Variants in MCTP2 observed in about 807,000 individuals in gnomAD.
MCTP2 encodes multiple C2 and transmembrane domain-containing protein 2.
Under a neutral mutation model 111.6 loss-of-function variants are expected in MCTP2, and 132 were observed. That is an observed-to-expected ratio of 1.18 (90% CI 1.03 to 1.37). MCTP2 has a LOEUF of 1.37. Ranked by LOEUF, MCTP2 falls within the 40% of genes most tolerant of loss-of-function variation. The pLI, the probability that MCTP2 is intolerant of heterozygous loss-of-function variation, is 0.00. For synonymous variants in MCTP2, 395 were observed against 387.7 expected (o/e 1.02, Z -0.22); for missense variants, 1,183 against 1,067.9 (o/e 1.11, Z -1.50).
intron 4 of MCTP2, among the ~76,000 whole-genome samples, chr15:94,326,023 G>A (rs1355194964): frequency 6.6e-6 from 1 of 151,892 alleles, no homozygotes; most frequent in African/African-American, 2.4e-5. Flanking sequence ...GTTTCACCAT[G>A]TTGGCCAGGA....
At chr15:94,466,032 T>A (rs927484726) in intron 20 of MCTP2, among the ~76,000 whole-genome samples, 7 of 152,202 alleles carry the variant, frequency 4.6e-5, no homozygotes, top group Non-Finnish European at 8.8e-5. Context: ...CAGTTTAAAA[T>A]CCTGTCCAAT....
At chr15:94,233,265 T>TTTA (rs2070314447) in intron 1 of MCTP2, among the ~76,000 whole-genome samples, 1 of 152,080 alleles carries the variant, frequency 6.6e-6, no homozygotes, top group African/African-American at 2.4e-5. Flanking sequence ...AAAGATAAAA[T>TTTA]TTATTATGTG....
At chr15:94,371,085 C>T (rs528390619) in intron 12 of MCTP2, among the ~76,000 whole-genome samples, 5 of 151,296 alleles carry the variant, frequency 3.3e-5, no homozygotes, top group Non-Finnish European at 5.9e-5. Flanking sequence ...TAGTTTTCAG[C>T]GCATTATATT....
chr15:94,302,222 G>C (rs896718174), intron 2 of MCTP2, among the ~76,000 whole-genome samples: 1 of 152,166 alleles, frequency 6.6e-6, no homozygotes, highest in African/African-American at 2.4e-5. Context: ...GAGCAGGGTG[G>C]TCAGGAAAGG....
intron 8 of MCTP2, among the ~76,000 whole-genome samples, chr15:94,346,803 C>CAAAT (rs1243287564): frequency 9.8e-4 from 149 of 152,108 alleles, no homozygotes; most frequent in Middle Eastern, 3.4e-3. Flanking sequence ...AAAATGTTGA[C>CAAAT]GGCCTGGGTG....
intron 19 of MCTP2, among the ~76,000 whole-genome samples, chr15:94,454,013 C>A (rs1264380561): frequency 1.3e-5 from 2 of 152,178 alleles, no homozygotes; most frequent in Non-Finnish European, 2.9e-5. Context: ...TTCAAGATTT[C>A]ATCGTACATA....
intron 1 of MCTP2, among the ~76,000 whole-genome samples, chr15:94,268,752 A>T (rs1371740900): frequency 6.7e-6 from 1 of 148,902 alleles, no homozygotes; most frequent in Non-Finnish European, 1.5e-5. Flanking sequence ...GAACTAGTAG[A>T]TACTCAGGTA....
intron 2 of MCTP2, among the ~76,000 whole-genome samples, chr15:94,300,268 G>A (rs2075538575): frequency 6.6e-6 from 1 of 152,066 alleles, no homozygotes; most frequent in Admixed American, 6.6e-5. Context: ...AGTACTTTGG[G>A]AGACCGAGGT....
At chr15:94,329,769 C>T (rs2077050636) in intron 4 of MCTP2, among the ~76,000 whole-genome samples, 1 of 152,152 alleles carries the variant, frequency 6.6e-6, no homozygotes, top group Admixed American at 6.5e-5. Flanking sequence ...TACAGTGAAG[C>T]CAATTAACAT....
rs150727060 is a variant in MCTP2, at chr15:94,322,814, G to A, written c.637+7177G>A. Reference sequence around the variant, plus strand: ...CATTTTCTTGCTATTTAACTCAGCAGTGGAGTGGAAGAATATGGTGTCTCC... The same window carrying A: ...CATTTTCTTGCTATTTAACTCAGCAATGGAGTGGAAGAATATGGTGTCTCC... On this transcript the variant is annotated intron_variant, in intron 4 of 22. Coordinates refer to ENST00000357742, the MANE Select transcript of MCTP2 (RefSeq NM_001385001.1). Among the ~76,000 whole-genome samples, 244 of 152,322 alleles carry A rather than the reference G, an allele frequency of 1.6e-3. 1 individual carries two copies. The highest frequency in any genetic ancestry group is 5.7e-3 in the African/African-American group (236 of 41,558).
chr15:94,357,699 T>C (rs1042009319), intron 9 of MCTP2, among the ~76,000 whole-genome samples: 14 of 152,206 alleles, frequency 9.2e-5, no homozygotes, highest in Non-Finnish European at 2.1e-4. Flanking sequence ...GATGCAAGAA[T>C]AGTTAGTACG....
At chr15:94,335,292 AG>A (rs879720030) in intron 4 of MCTP2, among the ~76,000 whole-genome samples, 1 of 151,576 alleles carries the variant, frequency 6.6e-6, no homozygotes, top group Non-Finnish European at 1.5e-5. Context: ...GTGTAAAAAA[AG>A]AAAAGAATAT....
At chr15:94,271,158 C>G (rs1206781231) in intron 1 of MCTP2, among the ~76,000 whole-genome samples, 1 of 152,106 alleles carries the variant, frequency 6.6e-6, no homozygotes, top group African/African-American at 2.4e-5. Flanking sequence ...AAAAAGTTAT[C>G]CTTTCTACTA....
intron 17 of MCTP2, among the ~76,000 whole-genome samples, chr15:94,435,193 G>T (rs541886121): frequency 2.0e-5 from 3 of 152,112 alleles, no homozygotes; most frequent in African/African-American, 7.2e-5. Context: ...TTAGAATCAG[G>T]TTACCCATTT....
chr15:94,232,659 A>G (rs2070268380), intron 1 of MCTP2, among the ~76,000 whole-genome samples: 1 of 152,160 alleles, frequency 6.6e-6, no homozygotes, highest in African/African-American at 2.4e-5. Flanking sequence ...ATTAATACAA[A>G]GGGGAATCTT....
rs1288241186 is a variant in MCTP2, at chr15:94,340,064, A to T, written c.781-135A>T. On this transcript the variant is annotated intron_variant, in intron 5 of 22. Coordinates refer to ENST00000357742, the MANE Select transcript of MCTP2 (RefSeq NM_001385001.1). ...ATTGGCTTGACTAAATTTCTCTTTA[A>T]CTATACTATGCAAAGTATTTCAAGA... 5.0e-5 allele frequency: 32 copies of T among 644,310 alleles called. No individual in the cohort carries two copies. The East Asian group carries it at 8.1e-4, about 16-fold the overall frequency. 39.9% of individuals were successfully genotyped at this position (644,310 alleles called of 1,614,324 possible).
intron 1 of MCTP2, among the ~76,000 whole-genome samples, chr15:94,276,438 T>A (rs2074214969): frequency 6.6e-6 from 1 of 152,096 alleles, no homozygotes; most frequent in African/African-American, 2.4e-5. Flanking sequence ...AGAAAACCTT[T>A]ATGCACAGGC....
intron 4 of MCTP2, among the ~76,000 whole-genome samples, chr15:94,329,901 C>G: frequency 6.6e-6 from 1 of 152,164 alleles, no homozygotes; most frequent in East Asian, 1.9e-4. Context: ...TGGTAGGTCT[C>G]CAGACTCACT....
intron 4 of MCTP2, among the ~76,000 whole-genome samples, chr15:94,336,416 C>T (rs770418327): frequency 2.0e-5 from 3 of 152,130 alleles, no homozygotes; most frequent in Non-Finnish European, 2.9e-5. Context: ...GCCTGCTGCC[C>T]CTTAGGTGAA....
Sources: allele counts gnomAD v4.1 joint callset (sites outside exome capture counted in the v4.1 genomes callset), GRCh38; gene constraint gnomAD v4.1.1; transcripts MANE v1.5; gene names NCBI Gene and HGNC (gene_info 2026-07-23, HGNC 2026-07-21).